GRTP1: variants seen among roughly 807,000 people sequenced by gnomAD.
The protein encoded by GRTP1 is growth hormone-regulated TBC protein 1.
A neutral mutation model predicts 38.1 loss-of-function variants in GRTP1; 56 were observed. That is an observed-to-expected ratio of 1.47 (90% confidence interval 1.19 to 1.84). GRTP1 has a LOEUF of 1.84. Among genes scored for constraint, GRTP1 ranks in the 40% most tolerant of loss-of-function variants. The pLI, the probability that GRTP1 is intolerant of heterozygous loss-of-function variation, is 0.00. For missense variants in GRTP1, 506 were observed against 453.9 expected, an observed-to-expected ratio of 1.11 and a Z score of -1.04; for synonymous variants, 217 against 189.5, an observed-to-expected ratio of 1.14 and a Z score of -1.19.
At chr13:113,353,605 C>T (rs767156740) in intron 3 of GRTP1, among the ~76,000 whole-genome samples, 1 of 151,966 alleles carries the variant, frequency 6.6e-6, no homozygotes, top group Non-Finnish European at 1.5e-5. Flanking sequence ...GGCAAGGACA[C>T]GGGGGTCGGT....
chr13:113,325,264 G>A lies in GRTP1; in HGVS notation c.921+397C>T, dbSNP rs141107630. 159 of 1,248,476 alleles carry A rather than the reference G, an allele frequency of 1.3e-4. 2 individuals are homozygous for A. In the African/African-American group the frequency reaches 1.6e-3, roughly 13 times the overall value. 77.3% of individuals were successfully genotyped at this position (1,248,476 alleles called of 1,614,324 possible). A position where few individuals can be genotyped will look rare whatever the true frequency, so the allele number is the denominator to read the frequency against. On this transcript the variant is annotated intron_variant, in intron 7 of 7. Coordinates refer to ENST00000375431, the MANE Select transcript of GRTP1 (RefSeq NM_024719.4). ...CTCCCAGGCCTGAGCCTCTCCTGGC[G>A]TCTTGGCTTCCTCAGAAGGCCTGTC... is the stretch of plus-strand genomic sequence containing the variant.
chr13:113,324,639 C>A (rs2042732444), intron 7 of GRTP1, 62 bp from the exon 8 acceptor site: 2 of 1,535,836 alleles, frequency 1.3e-6, no homozygotes, highest in Non-Finnish European at 1.8e-6. Flanking sequence ...TTAGCTCTCC[C>A]AGACTGGCAG....
chr13:113,357,200 T>C (rs1169644812), intron 2 of GRTP1, among the ~76,000 whole-genome samples: 2 of 152,198 alleles, frequency 1.3e-5, no homozygotes, highest in Non-Finnish European at 2.9e-5. Context: ...ATCCCAGCAC[T>C]TTGGGAGGCC....
intron 5 of GRTP1, among the ~76,000 whole-genome samples, chr13:113,328,686 A>C (rs1279080326): frequency 6.6e-6 from 1 of 152,160 alleles, no homozygotes; most frequent in Non-Finnish European, 1.5e-5. Flanking sequence ...CACCCAGCTA[A>C]TTTTTAAATA....
intron 5 of GRTP1, among the ~76,000 whole-genome samples, chr13:113,329,004 T>G (rs1475189567): frequency 2.6e-5 from 4 of 152,334 alleles, no homozygotes; most frequent in African/African-American, 9.6e-5. Context: ...AGCCTGAAGG[T>G]AGCAGGCTGC....
In GRTP1 at chr13:113,363,881, T is replaced by C. The variant is rs780366401; in HGVS notation, c.62A>G (p.Glu21Gly). 6.2e-7 allele frequency: 1 copy of C among 1,611,456 alleles called. No individual in the cohort carries two copies. The highest frequency in any genetic ancestry group is 1.3e-5 in the African/African-American group (1 of 74,674). ...CTCGTAGGCGGCGTCGTCGAAGTCC[T>C]CAGGCCGCTCGAATCCGTACGGGTC... ...RIDPYGFERP[E>G]DFDDAAYEKF... Residue 21 changes from glutamate to glycine, a missense_variant, in exon 2 of 8, where the codon GAG becomes GGG. Glu to Gly is a moderately conservative substitution (Grantham distance 98). Transcript: ENST00000375431.
Position 113,331,648 on chromosome 13 carries a change from C to CTTT in GRTP1, c.563-5560_563-5558dup, listed in dbSNP as rs59328510. On this transcript the variant is annotated intron_variant, in intron 5 of 7. Transcript: ENST00000375431. Reference sequence around the variant, plus strand: ...AAGGCTGGTTTTGCTGTTTGGTTTACTTTTTTTTTTTTTTTTTTTTTTTTT... The same window carrying CTTT: ...AAGGCTGGTTTTGCTGTTTGGTTTACTTTTTTTTTTTTTTTTTTTTTTTTTTTT... 8.4e-4 allele frequency among the ~76,000 whole-genome samples: 78 copies of CTTT among 92,984 alleles called. 3 individuals carry two copies. Among genetic ancestry groups the CTTT allele is most frequent in the African/African-American group, 3.0e-3 (65 of 21,996 alleles). The allele number at this position is 92,984 out of a possible 152,430, so 61.0% of individuals were successfully genotyped here.
intron 5 of GRTP1, among the ~76,000 whole-genome samples, chr13:113,334,479 T>C (rs574027298): frequency 1.3e-5 from 2 of 152,280 alleles, no homozygotes; most frequent in Admixed American, 6.5e-5. Context: ...GCGGAAACAG[T>C]TTCATCCTGC....
At chr13:113,326,375 G>GGT (rs1555313443) in intron 5 of GRTP1, among the ~76,000 whole-genome samples, 1 of 66,976 alleles carries the variant, frequency 1.5e-5, no homozygotes, top group African/African-American at 1.1e-4. Context: ...AGGGTGGCGC[G>GGT]GTGGGGGGGG....
chr13:113,331,948 TGCCTA>T (rs1287925424), intron 5 of GRTP1, among the ~76,000 whole-genome samples: 14 of 149,174 alleles, frequency 9.4e-5, no homozygotes, highest in Admixed American at 9.4e-4. Context: ...TGACCCACCA[TGCCTA>T]GCCTTTTGTT....
intron 4 of GRTP1, 116 bp from the exon 5 acceptor site, chr13:113,345,075 C>T (rs1045141205): frequency 3.5e-6 from 4 of 1,152,140 alleles, no homozygotes; most frequent in Non-Finnish European, 4.7e-6. Flanking sequence ...TCCTTAAAAC[C>T]TGCATAATTG....
intron 5 of GRTP1, among the ~76,000 whole-genome samples, chr13:113,330,510 G>A (rs71446691): frequency 3.9e-3 from 338 of 86,672 alleles, no homozygotes; most frequent in Middle Eastern, 0.023. Context: ...GTGCATGGGA[G>A]CCCAGGTGTG....
At chr13:113,330,903 ATGGGAGCCCG>A (rs2042858909) in intron 5 of GRTP1, among the ~76,000 whole-genome samples, 2 of 11,588 alleles carry the variant, frequency 1.7e-4, no homozygotes, top group African/African-American at 4.3e-4. Context: ...GGGTGTGTGC[ATGGGAGCCCG>A]GGTGTGTGCA....
intron 5 of GRTP1, among the ~76,000 whole-genome samples, chr13:113,337,964 A>G (rs2042976614): frequency 6.6e-6 from 1 of 152,196 alleles, no homozygotes; most frequent in African/African-American, 2.4e-5. Context: ...AGGTATTTCT[A>G]TGTCGAGTTG....
In GRTP1 at chr13:113,349,701, C is replaced by A. The variant is rs1406998046; in HGVS notation, c.465+1148G>T. On this transcript the variant is annotated intron_variant, in intron 4 of 7. Coordinates refer to ENST00000375431, the MANE Select transcript of GRTP1 (RefSeq NM_024719.4). This position sits in a 1 kb window ranked among gnomAD's most constrained non-coding sequence, Gnocchi z 5.0. ...CTGGCCTTTCACAGGGCGCTCCTCA[C>A]GCAACGTCCACCCTTTCTCCTCGGG... is the stretch of plus-strand genomic sequence containing the variant. Among the ~76,000 whole-genome samples, 2 of 152,220 alleles carry A rather than the reference C, an allele frequency of 1.3e-5. No individual in the cohort carries two copies. Among genetic ancestry groups the A allele is most frequent in the Admixed American group, 6.5e-5 (1 of 15,282 alleles).
chr13:113,358,781 T>A (rs540382360), intron 2 of GRTP1, among the ~76,000 whole-genome samples: 96 of 152,312 alleles, frequency 6.3e-4, no homozygotes, highest in African/African-American at 2.2e-3. Flanking sequence ...CTGGCAAGAA[T>A]GTGGAGCAAT....
At chr13:113,334,184 A>T (rs2042921414) in intron 5 of GRTP1, among the ~76,000 whole-genome samples, 1 of 152,062 alleles carries the variant, frequency 6.6e-6, no homozygotes, top group South Asian at 2.1e-4. Flanking sequence ...CACAGGGGAC[A>T]TCTTGAGACA....
chr13:113,325,616 C>G, intron 7 of GRTP1, 45 bp downstream of exon 7: 1 of 1,613,310 alleles, frequency 6.2e-7, no homozygotes, highest in Non-Finnish European at 8.5e-7. Context: ...GCAGGTGAGG[C>G]GGGGCCCCCT....
At chr13:113,347,397 AGGACCTCTGTGGCTGACAGTGGACCCG>A (rs2043169081) in intron 4 of GRTP1, among the ~76,000 whole-genome samples, 1 of 95,672 alleles carries the variant, frequency 1.0e-5, no homozygotes, top group African/African-American at 4.5e-5. Context: ...CAGACCCGGG[AGGACCTCTGTGGCTGACAGTGGACCCG>A]GGAGGACCTC....
Sources: allele counts gnomAD v4.1 joint callset (sites outside exome capture counted in the v4.1 genomes callset), GRCh38; gene constraint gnomAD v4.1.1; non-coding constraint Gnocchi (gnomAD v3.1); transcripts MANE v1.5; gene names NCBI Gene and HGNC (gene_info 2026-07-23, HGNC 2026-07-21).